Variants in RPGRIP1L observed in about 807,000 individuals in gnomAD.
RPGRIP1L encodes the protein RPGRIP1 like.
In RPGRIP1L, 131 loss-of-function variants were observed where a neutral mutation model predicts 160.4. The ratio of observed to expected loss-of-function variants is 0.82; its 90% CI spans 0.71 to 0.94. RPGRIP1L has a LOEUF of 0.94. RPGRIP1L is among the 40% of genes least tolerant of loss of function. The pLI is 0.00. For missense variants in RPGRIP1L, 1,522 were observed against 1,535.8 expected (o/e 0.99, Z 0.15); for synonymous variants, 510 against 515.8 (o/e 0.99, Z 0.15).
intron 14 of RPGRIP1L, among the ~76,000 whole-genome samples, chr16:53,654,206 C>A (rs72803644): frequency 0.031 from 4,797 of 152,288 alleles, 159 homozygotes; most frequent in East Asian, 0.14. Flanking sequence ...CTCAAGTAAT[C>A]CATCCGCCTT....
chr16:53,688,562 C>T (rs1970174363), intron 4 of RPGRIP1L, among the ~76,000 whole-genome samples: 1 of 151,936 alleles, frequency 6.6e-6, no homozygotes, highest in Non-Finnish European at 1.5e-5. Flanking sequence ...TTTACAAAGA[C>T]AGTCCCATTG....
At position 53,609,211 on chromosome 16, in the gene RPGRIP1L, T is replaced by G. The variant is rs138870046; in HGVS notation, c.3701+1756A>C. Among the ~76,000 whole-genome samples the G allele has an allele frequency of 2.4e-3, 371 of 152,208 alleles. 4 individuals are homozygous for G. Among genetic ancestry groups the G allele is most frequent in the African/African-American group, 8.5e-3 (353 of 41,528 alleles). On this transcript the variant is annotated intron_variant, in intron 25 of 26. Coordinates refer to ENST00000647211, the MANE Select transcript of RPGRIP1L (RefSeq NM_015272.5). ...TCAAGCGGTCCTTCCTCCTCAACCT[T>G]CATAGTAGCTGGGACTACTGGTGCA...
chr16:53,643,100 C>T (rs923639115), intron 17 of RPGRIP1L, among the ~76,000 whole-genome samples: 5 of 152,074 alleles, frequency 3.3e-5, no homozygotes, highest in Non-Finnish European at 7.4e-5. Context: ...AGTTTGAGAC[C>T]AGCCTGGCCA....
chr16:53,609,251 G>T (rs1373645006), intron 25 of RPGRIP1L, among the ~76,000 whole-genome samples: 1 of 152,016 alleles, frequency 6.6e-6, no homozygotes, highest in South Asian at 2.1e-4. Context: ...ACCATGCCTG[G>T]CTAATTTTTT....
chr16:53,690,977 C>G (rs1053141327), intron 4 of RPGRIP1L, among the ~76,000 whole-genome samples: 1 of 152,218 alleles, frequency 6.6e-6, no homozygotes, highest in East Asian at 1.9e-4. Context: ...CATCCTGCAG[C>G]TGCCTCCTGC....
chr16:53,654,912 G>C (rs1429038295), intron 14 of RPGRIP1L, among the ~76,000 whole-genome samples: 2 of 152,318 alleles, frequency 1.3e-5, no homozygotes, highest in African/African-American at 4.8e-5. Flanking sequence ...TGCTTCGTCA[G>C]ATAAAGATAT....
At chr16:53,666,862 T>C (rs1968312276) in intron 9 of RPGRIP1L, among the ~76,000 whole-genome samples, 1 of 152,104 alleles carries the variant, frequency 6.6e-6, no homozygotes, top group Admixed American at 6.6e-5. Flanking sequence ...AAAATACTAG[T>C]GTAAATCAGC....
chr16:53,698,326 C>A (rs1290741275), intron 2 of RPGRIP1L, among the ~76,000 whole-genome samples: 3 of 134,114 alleles, frequency 2.2e-5, no homozygotes, highest in African/African-American at 6.1e-5. Context: ...GTGGGGGGGT[C>A]AGCCCCCCGC....
intron 15 of RPGRIP1L, 51 bp from the exon 16 acceptor site, chr16:53,649,166 A>G (rs1555602841): frequency 6.7e-7 from 1 of 1,496,824 alleles, no homozygotes. Context: ...ACATTAAAAT[A>G]GATAGCAGTA....
At position 53,699,726 on chromosome 16, in the gene RPGRIP1L, G is replaced by A. The variant is rs116709938; in HGVS notation, c.85+913C>T. Among the ~76,000 whole-genome samples the A allele has an allele frequency of 4.7e-3, 711 of 151,300 alleles. 5 individuals carry two copies. The highest frequency in any genetic ancestry group is 0.016 in the African/African-American group (664 of 41,062). On this transcript the variant is annotated intron_variant, in intron 2 of 26. Coordinates refer to ENST00000647211, the MANE Select transcript of RPGRIP1L (RefSeq NM_015272.5). ...CCAGCTACATGGCAGGCTGAGGCAG[G>A]AGAATCGCTTAAATCCGGGAGGCGG...
Position 53,637,574 on chromosome 16 carries a change from A to T in RPGRIP1L, c.3220+121T>A. The T allele has an allele frequency of 4.6e-6, 4 of 862,862 alleles. No individual in the cohort carries two copies. The South Asian group carries it at 5.9e-5, about 13-fold the overall frequency. 53.5% of individuals were successfully genotyped at this position (862,862 alleles called of 1,614,324 possible). ...GAACTATATTCTATCATTTCTGTCA[A>T]GAAACAGGTATCGTGAAGTAGACGC... On this transcript the variant is annotated intron_variant, in intron 21 of 26. Coordinates refer to ENST00000647211, the MANE Select transcript of RPGRIP1L (RefSeq NM_015272.5).
chr16:53,655,317 T>C (rs1339246104), intron 14 of RPGRIP1L, among the ~76,000 whole-genome samples: 1 of 152,236 alleles, frequency 6.6e-6, no homozygotes, highest in Non-Finnish European at 1.5e-5. Flanking sequence ...AGTTTATTAT[T>C]ATTTTAACAA....
rs373603989 is a variant in RPGRIP1L, at chr16:53,686,565, A to G, written c.644T>C (p.Ile215Thr). Residue 215 changes from isoleucine to threonine, a missense_variant, in exon 6 of 27, where the codon ATT becomes ACT. Coordinates refer to ENST00000647211, the MANE Select transcript of RPGRIP1L (RefSeq NM_015272.5). ...RGEIRNLENV[I>T]QSQRGQIEEL... ...CTCTATCTGGCCTCTTTGTGACTGAATAACGTTTTCTCTGAAATAAAGAGC... is the reference window on the plus strand; with the variant it reads ...CTCTATCTGGCCTCTTTGTGACTGAGTAACGTTTTCTCTGAAATAAAGAGC... 2 of 1,613,606 alleles carry G rather than the reference A, an allele frequency of 1.2e-6. No homozygotes were observed. Among genetic ancestry groups the G allele is most frequent in the African/African-American group, 1.3e-5 (1 of 75,000 alleles).
At chr16:53,657,958 T>C (rs551334458) in intron 12 of RPGRIP1L, among the ~76,000 whole-genome samples, 3 of 152,298 alleles carry the variant, frequency 2.0e-5, no homozygotes, top group South Asian at 4.1e-4. Context: ...TATGCTGTGA[T>C]GTAAAAGAAG....
intron 10 of RPGRIP1L, among the ~76,000 whole-genome samples, chr16:53,664,656 C>G (rs541782744): frequency 1.3e-5 from 2 of 152,122 alleles, no homozygotes; most frequent in South Asian, 4.2e-4. Flanking sequence ...ATAAGAATAG[C>G]TATGAGAAAA....
intron 6 of RPGRIP1L, among the ~76,000 whole-genome samples, chr16:53,679,559 C>T (rs1483180270): frequency 7.3e-6 from 1 of 137,710 alleles, no homozygotes; most frequent in East Asian, 3.8e-4. Context: ...TGCCACCACA[C>T]CTGGCAGGAA....
In RPGRIP1L at chr16:53,658,956, C is replaced by T. The variant is rs115739140; in HGVS notation, c.1244-78G>A. On this transcript the variant is annotated intron_variant, in intron 10 of 26. Coordinates refer to ENST00000647211, the MANE Select transcript of RPGRIP1L (RefSeq NM_015272.5). ...GACACATTTCAAATTACTTTAATTC[C>T]TGTTCCACACCAGTCTTGATCTAGT... 1,573 of 930,898 alleles carry T rather than the reference C, an allele frequency of 1.7e-3. 16 individuals carry two copies. The African/African-American group carries it at 0.022, about 13-fold the overall frequency. 57.7% of individuals were successfully genotyped at this position (930,898 alleles called of 1,614,324 possible).
At chr16:53,698,684 C>A (rs548059093) in intron 2 of RPGRIP1L, among the ~76,000 whole-genome samples, 27 of 137,348 alleles carry the variant, frequency 2.0e-4, no homozygotes, top group Non-Finnish European at 3.9e-4. Context: ...GTCAGCCCCC[C>A]GCCCGGCCAG....
intron 15 of RPGRIP1L, among the ~76,000 whole-genome samples, chr16:53,651,950 TC>T (rs1246109516): frequency 6.6e-6 from 1 of 151,796 alleles, no homozygotes; most frequent in Non-Finnish European, 1.5e-5. Context: ...AAATTACAGT[TC>T]AATACATAAA....
Sources: allele counts gnomAD v4.1 joint callset (sites outside exome capture counted in the v4.1 genomes callset), GRCh38; gene constraint gnomAD v4.1.1; transcripts MANE v1.5; gene names NCBI Gene and HGNC (gene_info 2026-07-23, HGNC 2026-07-21).